GPC6: variants seen among roughly 807,000 people sequenced by gnomAD.
GPC6 encodes glypican 6.
Under a neutral mutation model 55.2 loss-of-function variants are expected in GPC6, and 14 were observed. The ratio of observed to expected loss-of-function variants is 0.25; its 90% CI spans 0.17 to 0.40. The LOEUF (loss-of-function observed/expected upper bound fraction) is 0.40, where lower values mean the gene tolerates loss of function less well. GPC6 is among the 10% of genes least tolerant of loss of function. The pLI is 1.00. For missense variants in GPC6, 641 were observed against 708.5 expected (o/e 0.90, Z 1.08); for synonymous variants, 278 against 259.6 (o/e 1.07, Z -0.68).
chr13:93,861,397 G>T lies in GPC6; in HGVS notation c.711+30852G>T, dbSNP rs144871149. Among the ~76,000 whole-genome samples, 446 of 139,092 alleles carry T rather than the reference G, an allele frequency of 3.2e-3. 4 individuals are homozygous for T. The highest frequency in any genetic ancestry group is 0.012 in the African/African-American group (419 of 36,166). The allele number at this position is 139,092 out of a possible 152,430, so 91.2% of individuals were successfully genotyped here. ...TTAGTGAAATCTTCAAGTACCTGGA[G>T]TTGTATATGTAAAAAAAAAAAAAAG... is the stretch of plus-strand genomic sequence containing the variant. On this transcript the variant is annotated intron_variant, in intron 3 of 8. Coordinates refer to ENST00000377047, the MANE Select transcript of GPC6 (RefSeq NM_005708.5).
chr13:93,531,876 C>A (rs1020088096), intron 1 of GPC6, among the ~76,000 whole-genome samples: 3 of 152,116 alleles, frequency 2.0e-5, no homozygotes, highest in Non-Finnish European at 4.4e-5. Flanking sequence ...TACCACCACC[C>A]TCATTTCCTG....
At chr13:93,622,045 A>G (rs1454895160) in intron 2 of GPC6, among the ~76,000 whole-genome samples, 1 of 152,090 alleles carries the variant, frequency 6.6e-6, no homozygotes, top group African/African-American at 2.4e-5. Flanking sequence ...AGCTTCTGGT[A>G]TCCATCAGTC....
intron 4 of GPC6, among the ~76,000 whole-genome samples, chr13:94,094,828 A>T (rs1202484574): frequency 7.4e-5 from 2 of 27,028 alleles, no homozygotes; most frequent in Admixed American, 8.2e-4. Context: ...ATAAAGACTC[A>T]TAGAATGCTT....
intron 4 of GPC6, among the ~76,000 whole-genome samples, chr13:94,141,556 C>T (rs1887378917): frequency 6.6e-6 from 1 of 152,136 alleles, no homozygotes; most frequent in South Asian, 2.1e-4. Context: ...CCTCCCTTTC[C>T]ATCACCACCA....
intron 2 of GPC6, among the ~76,000 whole-genome samples, chr13:93,706,737 G>A (rs1033289213): frequency 4.6e-5 from 7 of 151,758 alleles, no homozygotes; most frequent in African/African-American, 1.5e-4. Context: ...TTTAATAATG[G>A]AGAATCTAAT....
chr13:94,042,970 T>G (rs1883594070), intron 4 of GPC6, among the ~76,000 whole-genome samples: 1 of 151,924 alleles, frequency 6.6e-6, no homozygotes, highest in African/African-American at 2.4e-5. Context: ...ATTCGTTATA[T>G]TCTATGGGTA....
chr13:94,279,189 A>G (rs1892299065), intron 4 of GPC6, among the ~76,000 whole-genome samples: 1 of 152,062 alleles, frequency 6.6e-6, no homozygotes, highest in Admixed American at 6.6e-5. Flanking sequence ...CCAGGAAGTT[A>G]TCCATTTCTT....
At chr13:94,178,025 A>ATTTTTTTTTTTTTTTTTTTTTTTTTTTT (rs767978319) in intron 4 of GPC6, among the ~76,000 whole-genome samples, 2 of 132,990 alleles carry the variant, frequency 1.5e-5, no homozygotes, top group African/African-American at 3.2e-5. Context: ...TGGCCTTTTA[A>ATTTTTTTTTTTTTTTTTTTTTTTTTTTT]TTTTTTTTTT....
At chr13:93,792,791 T>C (rs947426030) in intron 2 of GPC6, among the ~76,000 whole-genome samples, 7 of 152,130 alleles carry the variant, frequency 4.6e-5, no homozygotes, top group African/African-American at 1.2e-4. Context: ...CTAAAATCAG[T>C]AAAATCCATG....
chr13:93,903,538 T>C (rs1326216642), intron 3 of GPC6, among the ~76,000 whole-genome samples: 1 of 152,206 alleles, frequency 6.6e-6, no homozygotes, highest in Non-Finnish European at 1.5e-5. Flanking sequence ...ATATCTTTGC[T>C]CAGACTATAT....
intron 1 of GPC6, among the ~76,000 whole-genome samples, chr13:93,229,170 G>C (rs1271592083): frequency 6.6e-6 from 1 of 151,842 alleles, no homozygotes; most frequent in Non-Finnish European, 1.5e-5. Flanking sequence ...AGCTCCTTAA[G>C]TTTCTTAACT....
chr13:94,005,766 G>A (rs555363752), intron 3 of GPC6, among the ~76,000 whole-genome samples: 11 of 152,074 alleles, frequency 7.2e-5, no homozygotes, highest in South Asian at 6.2e-4. Flanking sequence ...TTCCCATCCC[G>A]TTCCATCTGG....
intron 1 of GPC6, among the ~76,000 whole-genome samples, chr13:93,442,831 A>G (rs997902384): frequency 9.7e-5 from 14 of 144,304 alleles, no homozygotes; most frequent in Non-Finnish European, 7.8e-5. Flanking sequence ...TCAGAGGGAC[A>G]TTCTCAGTTT....
chr13:94,183,531 A>G (rs1889068186), intron 4 of GPC6, among the ~76,000 whole-genome samples: 1 of 152,192 alleles, frequency 6.6e-6, no homozygotes, highest in Non-Finnish European at 1.5e-5. Flanking sequence ...ACATTGGTAT[A>G]CAAGTATCTG....
intron 6 of GPC6, among the ~76,000 whole-genome samples, chr13:94,324,842 C>T (rs1180426562): frequency 1.3e-5 from 2 of 152,084 alleles, no homozygotes; most frequent in Non-Finnish European, 2.9e-5. Flanking sequence ...GGATACGCCA[C>T]GTTTGTGACA....
At chr13:94,398,873 A>C (rs1418928384) in intron 8 of GPC6, among the ~76,000 whole-genome samples, 5 of 152,234 alleles carry the variant, frequency 3.3e-5, no homozygotes, top group Non-Finnish European at 7.4e-5. Flanking sequence ...GATTACATTC[A>C]GCCATACCAA....
intron 3 of GPC6, among the ~76,000 whole-genome samples, chr13:93,964,287 A>G (rs1879917100): frequency 6.6e-6 from 1 of 152,208 alleles, no homozygotes; most frequent in South Asian, 2.1e-4. Context: ...TCCTTGACTA[A>G]CGTGGTGGTA....
intron 2 of GPC6, among the ~76,000 whole-genome samples, chr13:93,570,297 T>A (rs1876340347): frequency 6.6e-6 from 1 of 152,168 alleles, no homozygotes. Flanking sequence ...CTGATGTTCT[T>A]GGTTGTAATG....
intron 2 of GPC6, among the ~76,000 whole-genome samples, chr13:93,630,362 A>G (rs930623877): frequency 1.3e-4 from 20 of 152,172 alleles, no homozygotes; most frequent in African/African-American, 4.6e-4. Context: ...CACTTCTGAA[A>G]CTTCTCTAGT....
Sources: allele counts gnomAD v4.1 joint callset (sites outside exome capture counted in the v4.1 genomes callset), GRCh38; gene constraint gnomAD v4.1.1; transcripts MANE v1.5; gene names NCBI Gene and HGNC (gene_info 2026-07-23, HGNC 2026-07-21).